SH3GL3: variants seen among roughly 807,000 people sequenced by gnomAD.
SH3GL3 encodes SH3 domain containing GRB2 like 3, endophilin A3, also known as endophilin-A3.
Under a neutral mutation model 47.7 loss-of-function variants are expected in SH3GL3, and 33 were observed. The ratio of observed to expected loss-of-function variants is 0.69; its 90% CI spans 0.52 to 0.92. SH3GL3 has a LOEUF of 0.92. SH3GL3 is among the 40% of genes least tolerant of loss of function. The pLI, the probability that SH3GL3 is intolerant of heterozygous loss-of-function variation, is 0.00. For missense variants in SH3GL3, 363 were observed against 417.8 expected (o/e 0.87, Z 1.14); for synonymous variants, 155 against 148.8 (o/e 1.04, Z -0.30).
intron 8 of SH3GL3, among the ~76,000 whole-genome samples, chr15:83,607,002 C>T (rs2060533292): frequency 6.6e-6 from 1 of 152,130 alleles, no homozygotes; most frequent in African/African-American, 2.4e-5. Flanking sequence ...AAGAGTCTCT[C>T]TCTTATTTTC....
At position 83,613,460 on chromosome 15, in the gene SH3GL3, G is replaced by T. The variant is rs1028325486; in HGVS notation, c.839-4622G>T. On this transcript the variant is annotated intron_variant, in intron 8 of 8. Coordinates refer to ENST00000427482, the MANE Select transcript of SH3GL3 (RefSeq NM_003027.5). Reference sequence around the variant, plus strand: ...GAGTAATGCAGCTTTTCCATGATTTGTTCTGTGTGTGTGTGCAGCAAGAAC... The same window carrying T: ...GAGTAATGCAGCTTTTCCATGATTTTTTCTGTGTGTGTGTGCAGCAAGAAC... Among the ~76,000 whole-genome samples, 4 of 152,302 alleles carry T rather than the reference G, an allele frequency of 2.6e-5. No homozygotes were observed. The East Asian group carries it at 7.7e-4, about 29-fold the overall frequency.
chr15:83,594,404 A>AG (rs1167694716), intron 8 of SH3GL3, among the ~76,000 whole-genome samples: 13 of 152,252 alleles, frequency 8.5e-5, no homozygotes, highest in Non-Finnish European at 1.6e-4. Context: ...ACGATAGCAC[A>AG]GGGCATTCCC....
intron 1 of SH3GL3, among the ~76,000 whole-genome samples, chr15:83,516,790 T>C (rs1031584653): frequency 1.3e-5 from 2 of 152,106 alleles, no homozygotes; most frequent in Non-Finnish European, 2.9e-5. Flanking sequence ...TGGGGACAAA[T>C]ATCCAAACTG....
At chr15:83,478,671 G>A (rs772028665) in intron 1 of SH3GL3, among the ~76,000 whole-genome samples, 4 of 152,152 alleles carry the variant, frequency 2.6e-5, no homozygotes, top group African/African-American at 7.2e-5. Context: ...GGCTGGAGTC[G>A]CAGCTCAGCC....
chr15:83,509,852 A>G (rs1462670147), intron 1 of SH3GL3, among the ~76,000 whole-genome samples: 1 of 152,170 alleles, frequency 6.6e-6, no homozygotes, highest in African/African-American at 2.4e-5. Context: ...CAGTTTCACA[A>G]AGCCTATTTT....
chr15:83,498,595 T>C (rs1299244279), intron 1 of SH3GL3, among the ~76,000 whole-genome samples: 2 of 152,214 alleles, frequency 1.3e-5, no homozygotes, highest in Non-Finnish European at 2.9e-5. Context: ...CTCTACATTC[T>C]GTAGATTTTT....
intron 1 of SH3GL3, among the ~76,000 whole-genome samples, chr15:83,526,414 T>C (rs942468653): frequency 1.4e-4 from 21 of 152,326 alleles, no homozygotes; most frequent in Admixed American, 6.5e-5. Flanking sequence ...GGAATCAACC[T>C]AAATGCCCAT....
At chr15:83,548,981 C>T (rs1193209091) in intron 1 of SH3GL3, among the ~76,000 whole-genome samples, 1 of 151,974 alleles carries the variant, frequency 6.6e-6, no homozygotes, top group East Asian at 1.9e-4. Flanking sequence ...CTTTATGTTT[C>T]AATTTAGATA....
At chr15:83,552,397 T>TAAA (rs958770997) in intron 1 of SH3GL3, among the ~76,000 whole-genome samples, 1 of 152,258 alleles carries the variant, frequency 6.6e-6, no homozygotes, top group Non-Finnish European at 1.5e-5. Context: ...GTTTTCTTTT[T>TAAA]AATCTGTTAT....
intron 2 of SH3GL3, among the ~76,000 whole-genome samples, chr15:83,563,291 A>G (rs892982283): frequency 1.3e-5 from 2 of 152,114 alleles, no homozygotes; most frequent in African/African-American, 4.8e-5. Context: ...TAATTTATCC[A>G]TCAGTCTCCT....
intron 8 of SH3GL3, among the ~76,000 whole-genome samples, chr15:83,612,128 C>A (rs1350117672): frequency 6.6e-6 from 1 of 152,166 alleles, no homozygotes; most frequent in Non-Finnish European, 1.5e-5. Context: ...ATAGACTATC[C>A]GTTTATGACT....
chr15:83,494,949 G>A (rs1270560827), intron 1 of SH3GL3, among the ~76,000 whole-genome samples: 2 of 152,122 alleles, frequency 1.3e-5, no homozygotes, highest in Admixed American at 6.6e-5. Context: ...AGGGTGCTGT[G>A]GTCAGGCTCT....
chr15:83,546,533 C>T (rs2044408181), intron 1 of SH3GL3, among the ~76,000 whole-genome samples: 1 of 152,050 alleles, frequency 6.6e-6, no homozygotes, highest in South Asian at 2.1e-4. Context: ...TACTGTGGCT[C>T]TGCTGGTACC....
chr15:83,519,062 G>C (rs779199114), intron 1 of SH3GL3, among the ~76,000 whole-genome samples: 2 of 151,378 alleles, frequency 1.3e-5, no homozygotes, highest in Non-Finnish European at 3.0e-5. Context: ...TGATGTTTTA[G>C]TTACTGTAGC....
At chr15:83,595,001 A>G (rs758394202) in intron 8 of SH3GL3, among the ~76,000 whole-genome samples, 1 of 152,214 alleles carries the variant, frequency 6.6e-6, no homozygotes, top group Non-Finnish European at 1.5e-5. Context: ...CCGTTACCGC[A>G]TATATACCCA....
intron 1 of SH3GL3, among the ~76,000 whole-genome samples, chr15:83,496,900 T>C (rs1366449730): frequency 6.6e-6 from 1 of 152,124 alleles, no homozygotes; most frequent in Non-Finnish European, 1.5e-5. Flanking sequence ...GAAGCTATTT[T>C]CCCCAAGCTG....
At chr15:83,541,831 G>T (rs956849304) in intron 1 of SH3GL3, among the ~76,000 whole-genome samples, 3 of 152,002 alleles carry the variant, frequency 2.0e-5, no homozygotes, top group Non-Finnish European at 4.4e-5. Context: ...TTTTCCTATA[G>T]AGTTATTTGA....
At chr15:83,526,159 A>G (rs1294985763) in intron 1 of SH3GL3, among the ~76,000 whole-genome samples, 1 of 152,208 alleles carries the variant, frequency 6.6e-6, no homozygotes, top group Admixed American at 6.5e-5. Flanking sequence ...ATTATTAAAA[A>G]GTCAAAAAAA....
At chr15:83,505,146 C>T (rs1326573008) in intron 1 of SH3GL3, among the ~76,000 whole-genome samples, 1 of 152,030 alleles carries the variant, frequency 6.6e-6, no homozygotes, top group Non-Finnish European at 1.5e-5. Flanking sequence ...TCGGTGTTGT[C>T]CTGGGTTTGA....
Sources: gnomAD v4.1 joint callset for allele counts (sites outside exome capture counted in the v4.1 genomes callset) on GRCh38, gnomAD v4.1.1 for gene constraint, MANE v1.5 for transcripts, NCBI Gene and HGNC (gene_info 2026-07-23, HGNC 2026-07-21) for gene names.